OXR1: variants seen among roughly 807,000 people sequenced by gnomAD.
OXR1 encodes oxidation resistance protein 1.
A neutral mutation model predicts 104.6 loss-of-function variants in OXR1; 41 were observed. The ratio of observed to expected loss-of-function variants is 0.39; its 90% confidence interval spans 0.31 to 0.51. OXR1 has a LOEUF of 0.51. Ranked by LOEUF, OXR1 falls within the 20% of genes least tolerant of loss-of-function variation. OXR1 has a pLI of 0.77. For synonymous variants in OXR1, 348 were observed against 348.4 expected, an observed-to-expected ratio of 1.00 and a Z score of 0.01; for missense variants, 955 against 1,031.9, an observed-to-expected ratio of 0.93 and a Z score of 1.02.
chr8:106,436,431 C>A (rs1462467074), intron 2 of OXR1, among the ~76,000 whole-genome samples: 13 of 151,950 alleles, frequency 8.6e-5, no homozygotes, highest in Admixed American at 7.2e-4. Flanking sequence ...ATCCAAATAG[C>A]CACCACTGTA....
chr8:106,734,974 G>A (rs893788803), intron 11 of OXR1, among the ~76,000 whole-genome samples: 11 of 152,272 alleles, frequency 7.2e-5, no homozygotes, highest in Non-Finnish European at 1.5e-4. Flanking sequence ...AATTCAGAGC[G>A]TGATAAGGGA....
chr8:106,411,011 TA>T (rs1229495289), intron 2 of OXR1, among the ~76,000 whole-genome samples: 1 of 152,156 alleles, frequency 6.6e-6, no homozygotes, highest in Non-Finnish European at 1.5e-5. Context: ...GCTGAGGTTA[TA>T]ACAGCAAATA....
intron 2 of OXR1, among the ~76,000 whole-genome samples, chr8:106,364,747 G>A: frequency 6.6e-6 from 1 of 152,250 alleles, no homozygotes; most frequent in East Asian, 1.9e-4. Flanking sequence ...AAATGAAGAA[G>A]TTGAATCATT....
At chr8:106,648,892 G>A (rs1824303577) in intron 3 of OXR1, among the ~76,000 whole-genome samples, 2 of 152,170 alleles carry the variant, frequency 1.3e-5, no homozygotes, top group African/African-American at 2.4e-5. Context: ...ACAAAGTGAA[G>A]TAAAAATATT....
chr8:106,693,368 A>C (rs1587115765), intron 7 of OXR1, among the ~76,000 whole-genome samples: 1 of 151,908 alleles, frequency 6.6e-6, no homozygotes, highest in South Asian at 2.1e-4. Flanking sequence ...TTCATAGGAA[A>C]GGTTAATAGG....
intron 2 of OXR1, among the ~76,000 whole-genome samples, chr8:106,479,622 G>T (rs968272581): frequency 6.6e-6 from 1 of 151,938 alleles, no homozygotes; most frequent in African/African-American, 2.4e-5. Flanking sequence ...CACAAGCACA[G>T]AGGAATACAA....
intron 2 of OXR1, among the ~76,000 whole-genome samples, chr8:106,502,492 C>G (rs938650798): frequency 5.9e-5 from 9 of 152,166 alleles, no homozygotes; most frequent in African/African-American, 2.2e-4. Flanking sequence ...ACAGTCCATG[C>G]CCACCAGATT....
rs67500143 is a variant in OXR1, at chr8:106,672,516, AAGAGAG to A, written c.221-6682_221-6677del. Among the ~76,000 whole-genome samples, 4 of 146,028 alleles carry A rather than the reference AAGAGAG, an allele frequency of 2.7e-5. No individual in the cohort carries two copies. In the East Asian group the frequency reaches 8.3e-4, roughly 30 times the overall value. On this transcript the variant is annotated intron_variant, in intron 3 of 16. Coordinates refer to ENST00000517566, the MANE Select transcript of OXR1 (RefSeq NM_001198533.2). ...AGAAAGAAAGAGAGAGAAAGAAAGA[AAGAGAG>A]AGAGAGAGAGAAAAGAAAAAGAAAA...
intron 7 of OXR1, among the ~76,000 whole-genome samples, chr8:106,700,922 T>C (rs1830531559): frequency 6.6e-6 from 1 of 152,142 alleles, no homozygotes; most frequent in African/African-American, 2.4e-5. Context: ...CAAATAAGTT[T>C]ACAGAAGATG....
At chr8:106,624,716 A>T (rs934768881) in intron 3 of OXR1, among the ~76,000 whole-genome samples, 1 of 152,188 alleles carries the variant, frequency 6.6e-6, no homozygotes, top group African/African-American at 2.4e-5. Context: ...TCTGCACTGT[A>T]AAAAACCTTT....
chr8:106,311,616 T>C (rs1586506382), intron 1 of OXR1, among the ~76,000 whole-genome samples: 1 of 152,122 alleles, frequency 6.6e-6, no homozygotes, highest in South Asian at 2.1e-4. Context: ...GTGGAGGAGG[T>C]GTAGTCATCT....
At chr8:106,402,709 A>C (rs1294264554) in intron 2 of OXR1, among the ~76,000 whole-genome samples, 1 of 152,210 alleles carries the variant, frequency 6.6e-6, no homozygotes, top group Non-Finnish European at 1.5e-5. Context: ...CACTTTGGAA[A>C]AGCCTGGGAA....
At chr8:106,290,491 A>G (rs976799725) in intron 1 of OXR1, among the ~76,000 whole-genome samples, 15 of 152,228 alleles carry the variant, frequency 9.9e-5, no homozygotes, top group Admixed American at 3.3e-4. Context: ...CAAAGAAACT[A>G]TCAATAAAGT....
At chr8:106,626,762 A>G (rs895867235) in intron 3 of OXR1, among the ~76,000 whole-genome samples, 3 of 151,228 alleles carry the variant, frequency 2.0e-5, no homozygotes, top group Non-Finnish European at 4.4e-5. Flanking sequence ...CAGATCTTAA[A>G]CTTGAGGAAA....
chr8:106,607,836 G>A (rs899236851), intron 3 of OXR1, among the ~76,000 whole-genome samples: 2 of 150,728 alleles, frequency 1.3e-5, no homozygotes, highest in African/African-American at 4.9e-5. Context: ...TTACTAGTGA[G>A]GTAACTGGGA....
chr8:106,637,825 G>C (rs1378859242), intron 3 of OXR1, among the ~76,000 whole-genome samples: 1 of 148,976 alleles, frequency 6.7e-6, no homozygotes, highest in Admixed American at 6.7e-5. Flanking sequence ...GCTGTGGCGC[G>C]ATCTCGGCTC....
chr8:106,706,960 A>T lies in OXR1; in HGVS notation c.1439A>T (p.Gln480Leu). The part of the protein sequence containing the change: ...CGETAEFKQK[Q>L]SVNKGKQGKE... ...GAAACAGCAGAATTTAAACAAAAGC[A>T]AAGTGTTAACAAAGGAAAACAAGGA... Residue 480 changes from glutamine to leucine, a missense_variant, in exon 9 of 17, where the codon CAA (glutamine) becomes CTA (leucine). Gln to Leu is a moderately radical substitution (Grantham distance 113). This residue lies in a region of OXR1 where 849 missense variants were observed against 852.9 expected (regional missense o/e 1.00). Transcript: ENST00000517566. 1 of 1,613,792 alleles carries T rather than the reference A, an allele frequency of 6.2e-7. No individual in the cohort carries two copies. Among genetic ancestry groups the T allele is most frequent in the Non-Finnish European group, 8.5e-7 (1 of 1,179,938 alleles).
chr8:106,347,669 A>T (rs1815556174), intron 1 of OXR1, among the ~76,000 whole-genome samples: 1 of 152,152 alleles, frequency 6.6e-6, no homozygotes, highest in South Asian at 2.1e-4. Context: ...ATAAGTAGTT[A>T]TTGGGTTTAT....
chr8:106,707,849 T>G (rs1030657002), intron 9 of OXR1, among the ~76,000 whole-genome samples: 51 of 152,184 alleles, frequency 3.4e-4, no homozygotes, highest in African/African-American at 1.2e-3. Context: ...CCCAGACTAG[T>G]CCATTCACAT....
Sources: allele counts gnomAD v4.1 joint callset (sites outside exome capture counted in the v4.1 genomes callset), GRCh38; gene constraint gnomAD v4.1.1; regional missense constraint gnomAD v4.1.1; transcripts MANE v1.5; gene names NCBI Gene and HGNC (gene_info 2026-07-23, HGNC 2026-07-21).